Variants in SYNPO observed in about 807,000 individuals in gnomAD.
SYNPO encodes synaptopodin.
A neutral mutation model predicts 49.5 loss-of-function variants in SYNPO; 19 were observed. That is an observed-to-expected ratio of 0.38 (90% CI 0.27 to 0.56). The LOEUF is 0.56. Among genes scored for constraint, SYNPO ranks in the 20% least tolerant of loss-of-function variants. The pLI, the probability that SYNPO is intolerant of heterozygous loss-of-function variation, is 0.68. For synonymous variants in SYNPO, 536 were observed against 548.0 expected, an observed-to-expected ratio of 0.98 and a Z score of 0.31; for missense variants, 1,131 against 1,248.3, an observed-to-expected ratio of 0.91 and a Z score of 1.42.
chr5:150,635,090 C>T (rs964352880), intron 2 of SYNPO, among the ~76,000 whole-genome samples: 8 of 152,238 alleles, frequency 5.3e-5, no homozygotes, highest in Non-Finnish European at 4.4e-5. Flanking sequence ...TACCTGAAGA[C>T]GGGGCAGGCT....
upstream of SYNPO, among the ~76,000 whole-genome samples, chr5:150,597,086 C>T (rs1043818729): frequency 6.6e-6 from 1 of 152,230 alleles, no homozygotes; most frequent in Non-Finnish European, 1.5e-5. Context: ...CTTCCTGTGG[C>T]TTCTGCTAAG....
At chr5:150,651,392 G>A (rs1165426354) in intron 2 of SYNPO, 1 of 1,000,436 alleles carries the variant, frequency 1.0e-6, no homozygotes, top group Non-Finnish European at 1.2e-6. Context: ...GGCTTTTCTA[G>A]CTGTAACAAT....
At chr5:150,591,510 G>A in the SYNPO span, among the ~76,000 whole-genome samples, 24 of 152,344 alleles carry the variant, frequency 1.6e-4, no homozygotes, top group East Asian at 2.3e-3. Flanking sequence ...CAGAAGCGCC[G>A]TCTCAGATAG....
At chr5:150,633,563 T>C (rs927401515) in intron 2 of SYNPO, among the ~76,000 whole-genome samples, 1 of 152,170 alleles carries the variant, frequency 6.6e-6, no homozygotes, top group Non-Finnish European at 1.5e-5. Flanking sequence ...CACTGGGGGC[T>C]GGGAGTCAAA....
intron 2 of SYNPO, among the ~76,000 whole-genome samples, chr5:150,625,694 C>T (rs932491474): frequency 6.6e-6 from 1 of 152,208 alleles, no homozygotes; most frequent in Non-Finnish European, 1.5e-5. Flanking sequence ...CTGTCCAGAG[C>T]CCTGGCAGGA....
the SYNPO span, among the ~76,000 whole-genome samples, chr5:150,590,274 C>T: frequency 0.012 from 1,825 of 152,340 alleles, 41 homozygotes; most frequent in African/African-American, 0.041. Flanking sequence ...CCCCTACGTG[C>T]TCCCCTGGCT....
At position 150,649,112 on chromosome 5, in the gene SYNPO, C is replaced by T. The variant is rs754383322; in HGVS notation, c.837C>T (p.Asp279=). 3 of 1,613,976 alleles carry T rather than the reference C, an allele frequency of 1.9e-6. No homozygotes were observed. The highest frequency in any genetic ancestry group is 1.7e-5 in the Admixed American group (1 of 60,014). Residue 279 remains aspartate, a synonymous_variant, in exon 2 of 3, where the codon GAC becomes GAT. Coordinates refer to ENST00000307662, the MANE Select transcript of SYNPO (RefSeq NM_007286.6). ...APAPQPPSLP[D]RSPRPQRHIM... is the part of the protein sequence containing the mutation. ...CTCCCCAGCCCCCCAGTTTGCCAGA[C>T]AGGAGCCCCCGGCCACAGAGACACA...
At chr5:150,586,632 G>A in the SYNPO span, among the ~76,000 whole-genome samples, 1 of 151,886 alleles carries the variant, frequency 6.6e-6, no homozygotes, top group African/African-American at 2.4e-5. Flanking sequence ...CAGAACTTTG[G>A]TTTGTTATTA....
At chr5:150,617,130 C>T (rs911489073) in intron 1 of SYNPO, among the ~76,000 whole-genome samples, 1 of 152,106 alleles carries the variant, frequency 6.6e-6, no homozygotes, top group African/African-American at 2.4e-5. Flanking sequence ...TTCATGTAAT[C>T]CTCAATGCAA....
chr5:150,617,582 C>A (rs1457042696), intron 1 of SYNPO: 1 of 152,230 alleles, frequency 6.6e-6, no homozygotes, highest in African/African-American at 2.4e-5. Flanking sequence ...AGGCATGAGC[C>A]ACCACCCCCG....
rs573319794 is a variant in SYNPO, at chr5:150,656,809, T to G, written c.2434T>G (p.Ser812Ala). ...MRSPQPARPG[S>A]AAVPGAAFAP... ...CTCGCCACAGCCCGCCCGCCCCGGC[T>G]CGGCTGCTGTGCCGGGGGCAGCCTT... is the stretch of plus-strand genomic sequence containing the variant. Residue 812 changes from serine to alanine, a missense_variant, in exon 3 of 3, where the codon TCG becomes GCG. Physicochemically the swap from Ser to Ala is moderately conservative, Grantham distance 99 (BLOSUM62 1). Transcript: ENST00000307662. 1 of 1,383,312 alleles carries G rather than the reference T, an allele frequency of 7.2e-7. No homozygotes were observed. Among genetic ancestry groups the G allele is most frequent in the Admixed American group, 2.6e-5 (1 of 38,880 alleles). 85.7% of individuals were successfully genotyped at this position (1,383,312 alleles called of 1,614,324 possible).
rs767411471 is a variant in SYNPO, at chr5:150,648,274, G to A, written c.-2G>A. On this transcript the variant is annotated 5_prime_UTR_variant, in exon 2 of 3. Coordinates refer to ENST00000307662, the MANE Select transcript of SYNPO (RefSeq NM_007286.6). This position sits in a 1 kb window ranked among gnomAD's most constrained non-coding sequence, Gnocchi z 5.0. ...CCCGACAGAGGGGTCCCTGGCCACA[G>A]CATGGAGGGGTACTCAGAGGAGGCT... 5 of 1,614,086 alleles carry A rather than the reference G, an allele frequency of 3.1e-6. No homozygotes were observed. The highest frequency in any genetic ancestry group is 4.2e-6 in the Non-Finnish European group (5 of 1,180,026).
At chr5:150,591,455 G>A in the SYNPO span, among the ~76,000 whole-genome samples, 6 of 152,228 alleles carry the variant, frequency 3.9e-5, no homozygotes, top group Admixed American at 1.3e-4. Context: ...GACAAGGGAC[G>A]GGGCAGGGGA....
rs920082280 is a variant in SYNPO at position 150,657,410 on chromosome 5, T to A, written c.*323T>A. 3.3e-6 allele frequency: 1 copy of A among 304,192 alleles called. No homozygotes were observed. Among genetic ancestry groups the A allele is most frequent in the African/African-American group, 2.8e-5 (1 of 35,452 alleles). The allele number at this position is 304,192 out of a possible 1,614,324, so 18.8% of individuals were successfully genotyped here. ...TACACACACCGATGCACACACACTC[T>A]CTCTTTCTCTCTCTCTCTCTCTCAC... is the stretch of plus-strand genomic sequence containing the variant. On this transcript the variant is annotated 3_prime_UTR_variant, in exon 3 of 3. Transcript: ENST00000307662.
the SYNPO span, among the ~76,000 whole-genome samples, chr5:150,587,899 G>T: frequency 4.7e-3 from 720 of 152,290 alleles, 9 homozygotes; most frequent in African/African-American, 0.017. Context: ...TAGAAGAAAA[G>T]ATTGGGTCTC....
chr5:150,598,332 G>A (rs997221918), upstream of SYNPO, among the ~76,000 whole-genome samples: 5 of 152,232 alleles, frequency 3.3e-5, no homozygotes, highest in African/African-American at 1.2e-4. Context: ...CCTGTCACCA[G>A]GGACAGAAAA....
chr5:150,642,521 C>A (rs1293656136), intron 1 of SYNPO, among the ~76,000 whole-genome samples: 1 of 151,938 alleles, frequency 6.6e-6, no homozygotes, highest in Non-Finnish European at 1.5e-5. Context: ...ACCTCCCCAC[C>A]CCCACCTTTG....
chr5:150,656,644 C>T lies in SYNPO; in HGVS notation c.2269C>T (p.Leu757=). ...RPPSRQLQAL[L]ARNIINAARR... ...CCCCAGCCGCCAGCTGCAGGCGCTT[C>T]TGGCGCGAAACATCATCAATGCGGC... is the stretch of plus-strand genomic sequence containing the variant. The change falls in exon 3 of 3, where the codon CTG becomes TTG. Residue 757 remains leucine (L), a synonymous_variant. Coordinates refer to ENST00000307662, the MANE Select transcript of SYNPO (RefSeq NM_007286.6). 1 of 1,508,530 alleles carries T rather than the reference C, an allele frequency of 6.6e-7. No individual in the cohort carries two copies. Among genetic ancestry groups the T allele is most frequent in the Non-Finnish European group, 8.8e-7 (1 of 1,136,588 alleles). The allele number at this position is 1,508,530 out of a possible 1,614,324, so 93.4% of individuals were successfully genotyped here. A position where few individuals can be genotyped will look rare whatever the true frequency, so the allele number is the denominator to read the frequency against.
chr5:150,595,859 C>G, the SYNPO span, among the ~76,000 whole-genome samples: 3 of 151,358 alleles, frequency 2.0e-5, no homozygotes, highest in Admixed American at 6.6e-5. Flanking sequence ...CCCACCCCCC[C>G]AGCTGGCTGG....
Sources: gnomAD v4.1 joint callset for allele counts (sites outside exome capture counted in the v4.1 genomes callset) on GRCh38, gnomAD v4.1.1 for gene constraint, Gnocchi (gnomAD v3.1) non-coding constraint, MANE v1.5 for transcripts, NCBI Gene and HGNC (gene_info 2026-07-23, HGNC 2026-07-21) for gene names.